Variants in RBMS3 observed in about 807,000 individuals in gnomAD.
RBMS3 encodes the protein RNA-binding motif, single-stranded-interacting protein 3.
Under a neutral mutation model 66.8 loss-of-function variants are expected in RBMS3, and 27 were observed. That is an observed-to-expected ratio of 0.40 (90% CI 0.30 to 0.56). The LOEUF is 0.56. Ranked by LOEUF, RBMS3 falls within the 20% of genes least tolerant of loss-of-function variation. RBMS3 has a pLI of 0.40. For missense variants in RBMS3, 513 were observed against 549.5 expected, an observed-to-expected ratio of 0.93 and a Z score of 0.66; for synonymous variants, 188 against 183.0, an observed-to-expected ratio of 1.03 and a Z score of -0.22.
chr3:29,464,396 T>C (rs1411769311), intron 2 of RBMS3, among the ~76,000 whole-genome samples: 1 of 152,196 alleles, frequency 6.6e-6, no homozygotes, highest in Non-Finnish European at 1.5e-5. Flanking sequence ...GAGGATAGAC[T>C]GAGGCTCACT....
intron 8 of RBMS3, among the ~76,000 whole-genome samples, chr3:29,896,263 T>C (rs1018955624): frequency 6.6e-6 from 1 of 151,410 alleles, no homozygotes; most frequent in Non-Finnish European, 1.5e-5. Flanking sequence ...CATGGGATGC[T>C]TTCTTAGAAA....
At chr3:29,796,209 C>T (rs540345666) in intron 6 of RBMS3, among the ~76,000 whole-genome samples, 1 of 152,304 alleles carries the variant, frequency 6.6e-6, no homozygotes, top group African/African-American at 2.4e-5. Context: ...AGTAATCCTC[C>T]TTTCTCTGCC....
At chr3:29,920,059 C>T (rs879478838) in intron 10 of RBMS3, among the ~76,000 whole-genome samples, 3 of 152,018 alleles carry the variant, frequency 2.0e-5, no homozygotes, top group Admixed American at 6.6e-5. Flanking sequence ...TGTCGCATGA[C>T]TATTTACCGC....
chr3:29,414,570 G>A (rs2125690579), intron 1 of RBMS3, among the ~76,000 whole-genome samples: 1 of 152,240 alleles, frequency 6.6e-6, no homozygotes, highest in Admixed American at 6.5e-5. Context: ...ACAACGGATT[G>A]TATTTGTATC....
chr3:29,688,669 G>A (rs1346218563), intron 4 of RBMS3, among the ~76,000 whole-genome samples: 4 of 129,180 alleles, frequency 3.1e-5, no homozygotes, highest in Non-Finnish European at 6.2e-5. Context: ...TGCAACCTCC[G>A]CCTCCCAGGT....
At chr3:29,468,688 T>C (rs538610839) in intron 2 of RBMS3, among the ~76,000 whole-genome samples, 93 of 152,302 alleles carry the variant, frequency 6.1e-4, no homozygotes, top group Non-Finnish European at 1.1e-3. Flanking sequence ...ACTAGTTTAT[T>C]TCACATAAAA....
At chr3:29,586,556 TG>T (rs2047526667) in intron 3 of RBMS3, among the ~76,000 whole-genome samples, 1 of 152,158 alleles carries the variant, frequency 6.6e-6, no homozygotes, top group African/African-American at 2.4e-5. Context: ...TGGAAGAGCA[TG>T]GGCTTAGTAA....
chr3:29,288,632 C>A (rs936300807), intron 1 of RBMS3, among the ~76,000 whole-genome samples: 1 of 151,942 alleles, frequency 6.6e-6, no homozygotes, highest in African/African-American at 2.4e-5. Flanking sequence ...TTGGCTAAAC[C>A]AGTTGAGTTA....
chr3:29,534,211 C>T (rs1038435778), intron 3 of RBMS3, among the ~76,000 whole-genome samples: 3 of 152,194 alleles, frequency 2.0e-5, no homozygotes, highest in Non-Finnish European at 4.4e-5. Context: ...ACAAAGGTCA[C>T]GTTGCAGCAA....
intron 4 of RBMS3, among the ~76,000 whole-genome samples, chr3:29,680,136 C>T (rs917917874): frequency 6.6e-6 from 1 of 152,100 alleles, no homozygotes; most frequent in East Asian, 1.9e-4. Context: ...CTCTGAAATC[C>T]CCAGTGTCGA....
At position 29,787,324 on chromosome 3, in the gene RBMS3, C is replaced by T. The variant is rs9823918; in HGVS notation, c.637+24335C>T. Among the ~76,000 whole-genome samples the T allele has an allele frequency of 5.5e-3, 832 of 152,110 alleles. 8 individuals carry two copies. Among genetic ancestry groups the T allele is most frequent in the African/African-American group, 0.019 (799 of 41,502 alleles). ...ATGTACCATTTGATTTAGCAATCCCCCTACTACATATTTACCCAGAGGAAA... is the reference window on the plus strand; with the variant it reads ...ATGTACCATTTGATTTAGCAATCCCTCTACTACATATTTACCCAGAGGAAA... On this transcript the variant is annotated intron_variant, in intron 6 of 14. Coordinates refer to ENST00000383767, the MANE Select transcript of RBMS3 (RefSeq NM_001003793.3).
intron 3 of RBMS3, among the ~76,000 whole-genome samples, chr3:29,573,029 T>G (rs1230277775): frequency 6.6e-6 from 1 of 152,206 alleles, no homozygotes; most frequent in Admixed American, 6.5e-5. Flanking sequence ...CAGTTCCCTT[T>G]GATTTTCCAG....
At chr3:29,731,319 A>G (rs959086697) in intron 4 of RBMS3, among the ~76,000 whole-genome samples, 3 of 152,196 alleles carry the variant, frequency 2.0e-5, no homozygotes, top group Admixed American at 1.3e-4. Context: ...CATTGTTCTT[A>G]GTGTTTCTTA....
At chr3:29,774,172 A>T (rs995650995) in intron 6 of RBMS3, among the ~76,000 whole-genome samples, 1 of 152,046 alleles carries the variant, frequency 6.6e-6, no homozygotes, top group Admixed American at 6.6e-5. Flanking sequence ...GGATAGATTG[A>T]GGGAGGTTTC....
chr3:29,665,912 A>G (rs557071827), intron 4 of RBMS3, among the ~76,000 whole-genome samples: 2 of 152,310 alleles, frequency 1.3e-5, no homozygotes, highest in Admixed American at 6.5e-5. Flanking sequence ...TGTTTAATAA[A>G]ATTCCTTACA....
At chr3:29,853,423 C>CTTT (rs71091081) in intron 6 of RBMS3, among the ~76,000 whole-genome samples, 1,117 of 84,112 alleles carry the variant, frequency 0.013, 11 homozygotes, top group East Asian at 0.019. Context: ...AATTTACTTT[C>CTTT]TTTTTTTTTT....
chr3:29,782,867 A>G (rs1201508711), intron 6 of RBMS3, among the ~76,000 whole-genome samples: 2 of 152,154 alleles, frequency 1.3e-5, no homozygotes, highest in Non-Finnish European at 2.9e-5. Context: ...TCAAGGACAC[A>G]CTTAGAGAAA....
At chr3:29,376,120 T>C (rs1232985299) in intron 1 of RBMS3, among the ~76,000 whole-genome samples, 1 of 141,440 alleles carries the variant, frequency 7.1e-6, no homozygotes, top group Non-Finnish European at 1.5e-5. Context: ...TGTTCTCACT[T>C]ATAAGTGGGA....
At chr3:29,730,372 C>T (rs919842326) in intron 4 of RBMS3, among the ~76,000 whole-genome samples, 27 of 152,102 alleles carry the variant, frequency 1.8e-4, no homozygotes, top group African/African-American at 6.0e-4. Flanking sequence ...CTCAATGCCC[C>T]TAATATCTTT....
Sources: allele counts gnomAD v4.1 joint callset (sites outside exome capture counted in the v4.1 genomes callset), GRCh38; gene constraint gnomAD v4.1.1; transcripts MANE v1.5; gene names NCBI Gene and HGNC (gene_info 2026-07-23, HGNC 2026-07-21).